Variants in WDR27 observed in about 807,000 individuals in gnomAD.
The protein encoded by WDR27 is WD repeat domain 27, also known as WD repeat-containing protein 27.
A neutral mutation model predicts 114.4 loss-of-function variants in WDR27; 100 were observed. That is an observed-to-expected ratio of 0.87 (90% CI 0.74 to 1.03). WDR27 has a LOEUF of 1.03. Ranked by LOEUF, WDR27 falls within the 50% of genes least tolerant of loss-of-function variation. WDR27 has a pLI of 0.00. For synonymous variants in WDR27, 449 were observed against 423.1 expected (o/e 1.06, Z -0.75); for missense variants, 1,129 against 1,092.9 (o/e 1.03, Z -0.47).
intron 25 of WDR27, among the ~76,000 whole-genome samples, chr6:169,537,102 C>T (rs552825120): frequency 5.3e-5 from 8 of 152,254 alleles, no homozygotes; most frequent in South Asian, 2.1e-4. Context: ...AACAGAGACG[C>T]GTGTAGGTCA....
At chr6:169,553,028 A>G (rs868516502) in intron 25 of WDR27, among the ~76,000 whole-genome samples, 922 of 31,356 alleles carry the variant, frequency 0.029, 16 homozygotes, top group East Asian at 0.08. Flanking sequence ...GTGTGTGTGT[A>G]TGCAGGGAGG....
chr6:169,679,634 C>CG (rs1780988214), intron 2 of WDR27, among the ~76,000 whole-genome samples: 2 of 152,192 alleles, frequency 1.3e-5, no homozygotes, highest in Non-Finnish European at 2.9e-5. Context: ...TTCCTGTTTT[C>CG]ACCCTGTGAA....
chr6:169,609,204 G>A (rs1809957818), intron 22 of WDR27, among the ~76,000 whole-genome samples: 1 of 152,168 alleles, frequency 6.6e-6, no homozygotes, highest in Non-Finnish European at 1.5e-5. Flanking sequence ...GCAAGCTGTA[G>A]ATGGATCTAT....
intron 25 of WDR27, among the ~76,000 whole-genome samples, chr6:169,481,575 A>G (rs909196012): frequency 6.6e-6 from 1 of 152,040 alleles, no homozygotes; most frequent in Non-Finnish European, 1.5e-5. Flanking sequence ...CTGCAGCTTC[A>G]CTCCTGAGGC....
chr6:169,580,408 T>C (rs1267830608), intron 24 of WDR27, among the ~76,000 whole-genome samples: 1 of 152,248 alleles, frequency 6.6e-6, no homozygotes, highest in South Asian at 2.1e-4. Context: ...GCCATTTTTC[T>C]TGCATACATG....
At chr6:169,552,865 C>T (rs1259447337) in intron 25 of WDR27, among the ~76,000 whole-genome samples, 3 of 152,162 alleles carry the variant, frequency 2.0e-5, no homozygotes, top group South Asian at 2.1e-4. Flanking sequence ...TCCTTCATGA[C>T]GTCCTCATTG....
rs112203960 is a variant in WDR27, at chr6:169,514,757, A to AATATATATATATATAT, written c.2646-57139_2646-57124dup. Among the ~76,000 whole-genome samples the AATATATATATATATAT allele has an allele frequency of 8.3e-3, 1,189 of 143,396 alleles. 9 individuals carry two copies. The highest frequency in any genetic ancestry group is 0.018 in the African/African-American group (697 of 38,902). The allele number at this position is 143,396 out of a possible 152,430, so 94.1% of individuals were successfully genotyped here. A position where few individuals can be genotyped will look rare whatever the true frequency, so the allele number is the denominator to read the frequency against. ...TTCTTACTATAACAGAAAAAAAGAG[A>AATATATATATATATAT]ATATATATATATATATATATGATCA... On this transcript the variant is annotated intron_variant, in intron 25 of 25. Transcript: ENST00000448612.
At chr6:169,581,871 GCA>G (rs1803502347) in intron 24 of WDR27, among the ~76,000 whole-genome samples, 1 of 152,258 alleles carries the variant, frequency 6.6e-6, no homozygotes, top group Non-Finnish European at 1.5e-5. Flanking sequence ...CTAGGCCAGA[GCA>G]CACAGTCACA....
intron 25 of WDR27, among the ~76,000 whole-genome samples, chr6:169,517,615 C>A (rs1250295511): frequency 6.6e-6 from 1 of 152,182 alleles, no homozygotes; most frequent in Non-Finnish European, 1.5e-5. Flanking sequence ...CTATTCAACT[C>A]AAAAGACTCC....
intron 23 of WDR27, among the ~76,000 whole-genome samples, chr6:169,600,136 A>G (rs979850561): frequency 6.6e-6 from 1 of 152,184 alleles, no homozygotes; most frequent in African/African-American, 2.4e-5. Flanking sequence ...ACAGTTTGTT[A>G]TAATTTCTGC....
rs144791749 is a variant in WDR27 at position 169,458,323 on chromosome 6, T to G, written c.2646-689A>C. ...TGTTCTCTGATCAGCGATGGATGCT[T>G]CTTCTTACAGAGGGTGCAAATAGGC... On this transcript the variant is annotated intron_variant, in intron 25 of 25. Coordinates refer to ENST00000448612, the MANE Select transcript of WDR27 (RefSeq NM_182552.5). Among the ~76,000 whole-genome samples, 701 of 152,232 alleles carry G rather than the reference T, an allele frequency of 4.6e-3. 2 individuals carry two copies. Among genetic ancestry groups the G allele is most frequent in the Non-Finnish European group, 6.4e-3 (436 of 68,018 alleles).
chr6:169,680,386 T>C (rs1039053998), intron 2 of WDR27, among the ~76,000 whole-genome samples: 2 of 152,062 alleles, frequency 1.3e-5, no homozygotes, highest in African/African-American at 2.4e-5. Flanking sequence ...ATCGAGACCA[T>C]CCTGGCTAAC....
chr6:169,476,732 CTTATTT>C lies in WDR27; in HGVS notation c.2646-19104_2646-19099del, dbSNP rs567917801. Among the ~76,000 whole-genome samples the C allele has an allele frequency of 3.2e-4, 48 of 152,208 alleles. No homozygotes were observed. The East Asian group carries it at 6.6e-3, about 21-fold the overall frequency. ...TATGAGTTGCCATTATAAAGGAAATCTTATTTTTAAGTTTACTTAGTTATTGTTAGT... is the reference window on the plus strand; with the variant it reads ...TATGAGTTGCCATTATAAAGGAAATCTTAAGTTTACTTAGTTATTGTTAGT... On this transcript the variant is annotated intron_variant, in intron 25 of 25. Coordinates refer to ENST00000448612, the MANE Select transcript of WDR27 (RefSeq NM_182552.5).
At chr6:169,661,479 C>T (rs1826092082) in intron 9 of WDR27, among the ~76,000 whole-genome samples, 1 of 152,238 alleles carries the variant, frequency 6.6e-6, no homozygotes, top group Non-Finnish European at 1.5e-5. Context: ...CAGACCTCCC[C>T]TCTCCAGCTC....
At chr6:169,656,812 T>C (rs897266826) in intron 13 of WDR27, among the ~76,000 whole-genome samples, 1 of 152,198 alleles carries the variant, frequency 6.6e-6, no homozygotes, top group Admixed American at 6.5e-5. Flanking sequence ...TCTTTTGCAA[T>C]TTAAGATGCC....
intron 25 of WDR27, among the ~76,000 whole-genome samples, chr6:169,551,486 G>A (rs1798084046): frequency 6.6e-6 from 1 of 152,098 alleles, no homozygotes; most frequent in African/African-American, 2.4e-5. Context: ...GGAGGATCCA[G>A]TACTTTAGGA....
intron 1 of WDR27, among the ~76,000 whole-genome samples, chr6:169,698,303 G>A (rs563701229): frequency 7.1e-6 from 1 of 140,796 alleles, no homozygotes; most frequent in South Asian, 2.3e-4. Context: ...AGTGTACTCG[G>A]CTTTAATGCC....
intron 25 of WDR27, among the ~76,000 whole-genome samples, chr6:169,522,648 T>C (rs2997894): frequency 0.89 from 135,476 of 151,996 alleles, 61,385 homozygotes; most frequent in Non-Finnish European, 0.94. Flanking sequence ...TAAAACTAGA[T>C]ATCAATAACA....
intron 23 of WDR27, among the ~76,000 whole-genome samples, chr6:169,600,062 T>C (rs1807639291): frequency 6.6e-6 from 1 of 152,228 alleles, no homozygotes; most frequent in Admixed American, 6.5e-5. Flanking sequence ...TTCCATGTAG[T>C]TGAGCGGTTT....
Sources: allele counts gnomAD v4.1 joint callset (sites outside exome capture counted in the v4.1 genomes callset), GRCh38; gene constraint gnomAD v4.1.1; transcripts MANE v1.5; gene names NCBI Gene and HGNC (gene_info 2026-07-23, HGNC 2026-07-21).